Variants in AP1S2 observed in about 807,000 individuals in gnomAD.
AP1S2 encodes the protein AP-1 complex subunit sigma-2.
In AP1S2, 1 loss-of-function variant was observed where a neutral mutation model predicts 14.3. The observed-to-expected ratio is 0.07, with a 90% CI of 0.02 to 0.33. The LOEUF (loss-of-function observed/expected upper bound fraction) is 0.33, where lower values mean the gene tolerates loss of function less well. AP1S2 is among the 10% of genes least tolerant of loss of function. The pLI is 0.99. For missense variants in AP1S2, 30 were observed against 117.7 expected (o/e 0.25, Z 3.45); for synonymous variants, 30 against 40.5 (o/e 0.74, Z 0.99).
chrX:15,826,789 AAAG>A lies in AP1S2; in HGVS notation c.*533_*535del, dbSNP rs1309160739. On this transcript the variant is annotated 3_prime_UTR_variant, in exon 6 of 6. Transcript: ENST00000672987. ...CTGTAGTCCTTTAAAAAAAAAAAAA[AAAG>A]GTATGTAATTTCCAATACAAGTCTT... 3.6e-5 allele frequency: 4 copies of A among 110,652 alleles called. No homozygotes were observed. The highest frequency in any genetic ancestry group is 1.3e-4 in the African/African-American group (4 of 30,331). The allele number at this position is 110,652 out of a possible 1,213,427, so 9.1% of individuals were successfully genotyped here. A position where few individuals can be genotyped will look rare whatever the true frequency, so the allele number is the denominator to read the frequency against.
intron 1 of AP1S2, chrX:15,852,817 A>G: frequency 1.4e-6 from 1 of 734,156 alleles, no homozygotes; most frequent in Non-Finnish European, 1.6e-6. Flanking sequence ...AAAAATAAAG[A>G]TCACTCTTTC....
At position 15,826,056 on chromosome X, in the gene AP1S2, AAC is replaced by A. The variant is rs1254761929; in HGVS notation, c.*1267_*1268del. 1.8e-5 allele frequency: 2 copies of A among 112,122 alleles called. No homozygotes were observed. The highest frequency in any genetic ancestry group is 3.8e-5 in the Non-Finnish European group (2 of 53,173). The allele number at this position is 112,122 out of a possible 1,213,427, so 9.2% of individuals were successfully genotyped here. ...TGACAAACTTTTGGAAAGAGATAAA[AAC>A]ACACTCCAGTGTTTGTACGTTGAAC... On this transcript the variant is annotated 3_prime_UTR_variant, in exon 6 of 6. Transcript: ENST00000672987.
At chrX:15,847,639 T>C (rs1303514038) in intron 2 of AP1S2, among the ~76,000 whole-genome samples, 2 of 112,242 alleles carry the variant, frequency 1.8e-5, no homozygotes, top group African/African-American at 6.5e-5. Context: ...CTCCCTCTCT[T>C]TCCCATCGTT....
chrX:15,836,035 AT>A (rs1244171636), intron 4 of AP1S2, among the ~76,000 whole-genome samples: 9 of 111,412 alleles, frequency 8.1e-5, no homozygotes, highest in African/African-American at 2.9e-4. Flanking sequence ...ACAAAAAAAA[AT>A]CGATCTCATT....
chrX:15,835,219 T>C (rs1188795879), intron 4 of AP1S2, among the ~76,000 whole-genome samples: 4 of 112,476 alleles, frequency 3.6e-5, no homozygotes, highest in Non-Finnish European at 5.6e-5. Context: ...TAATGAAAAG[T>C]AAATATAAAT....
intron 4 of AP1S2, among the ~76,000 whole-genome samples, chrX:15,834,289 AT>A (rs1933527087): frequency 9.7e-6 from 1 of 102,925 alleles, no homozygotes; most frequent in African/African-American, 3.6e-5. Flanking sequence ...GGCCAAGAAA[AT>A]GACACTTCCT....
intron 4 of AP1S2, among the ~76,000 whole-genome samples, chrX:15,843,159 G>A (rs771614736): frequency 8.9e-6 from 1 of 111,943 alleles, no homozygotes; most frequent in Non-Finnish European, 1.9e-5. Flanking sequence ...CTGCAATAAT[G>A]TTCTTATCCC....
At chrX:15,827,545 G>A (rs1472174421) in intron 5 of AP1S2, among the ~76,000 whole-genome samples, 173 bp from the exon 6 acceptor site, 1 of 111,726 alleles carries the variant, frequency 9.0e-6, no homozygotes, top group Non-Finnish European at 1.9e-5. Flanking sequence ...CCTCAAAATT[G>A]GAGACCACAA....
chrX:15,828,219 A>C lies in AP1S2; in HGVS notation c.427-19T>G, dbSNP rs1188553321. 11 of 1,095,286 alleles carry C rather than the reference A, an allele frequency of 1.0e-5. No individual in the cohort carries two copies. The East Asian group carries it at 3.4e-4, about 34-fold the overall frequency. 90.3% of individuals were successfully genotyped at this position (1,095,286 alleles called of 1,213,427 possible). A position where few individuals can be genotyped will look rare whatever the true frequency, so the allele number is the denominator to read the frequency against. On this transcript the variant is annotated intron_variant, in intron 4 of 5. Transcript: ENST00000672987. ...TCGCATCCTAATCATGGTACAGCACAAAGCAAGGAGAAGAGAAATTATATT... is the reference window on the plus strand; with the variant it reads ...TCGCATCCTAATCATGGTACAGCACCAAGCAAGGAGAAGAGAAATTATATT...
intron 4 of AP1S2, among the ~76,000 whole-genome samples, chrX:15,839,948 C>A (rs942320794): frequency 9.0e-6 from 1 of 111,481 alleles, no homozygotes; most frequent in African/African-American, 3.3e-5. Flanking sequence ...AGATTCTTAC[C>A]TTTCCATTTG....
chrX:15,834,331 GAA>G (rs1160100860), intron 4 of AP1S2, among the ~76,000 whole-genome samples: 2 of 95,158 alleles, frequency 2.1e-5, no homozygotes, highest in Admixed American at 1.2e-4. Flanking sequence ...ATGAATTAAA[GAA>G]AAAAAAAGTC....
In AP1S2 at chrX:15,827,084, T is replaced by G. The variant is rs1355982884; in HGVS notation, c.*241A>C. 6 of 397,302 alleles carry G rather than the reference T, an allele frequency of 1.5e-5. No homozygotes were observed. Among genetic ancestry groups the G allele is most frequent in the Non-Finnish European group, 1.3e-5 (3 of 227,089 alleles). 32.7% of individuals were successfully genotyped at this position (397,302 alleles called of 1,213,427 possible). A position where few individuals can be genotyped will look rare whatever the true frequency, so the allele number is the denominator to read the frequency against. ...ATTAAGAGAAACTGACCTTTAAACTTTAAAATATCCAGAAAAGGTATCTCT... is the reference window on the plus strand; with the variant it reads ...ATTAAGAGAAACTGACCTTTAAACTGTAAAATATCCAGAAAAGGTATCTCT... On this transcript the variant is annotated 3_prime_UTR_variant, in exon 6 of 6. Coordinates refer to ENST00000672987, the MANE Select transcript of AP1S2 (RefSeq NM_001272071.2).
At chrX:15,840,327 A>T (rs2147311426) in intron 4 of AP1S2, among the ~76,000 whole-genome samples, 1 of 112,621 alleles carries the variant, frequency 8.9e-6, no homozygotes, top group South Asian at 3.6e-4. Context: ...TCAAAGCACT[A>T]ATCAACACCA....
chrX:15,832,954 G>A (rs1472865898), intron 4 of AP1S2: 7 of 1,118,435 alleles, frequency 6.3e-6, no homozygotes, highest in Non-Finnish European at 8.2e-6. Context: ...ACGTATTCTA[G>A]TACGCTTTCT....
chrX:15,836,036 T>C (rs1295028442), intron 4 of AP1S2, among the ~76,000 whole-genome samples: 1 of 111,252 alleles, frequency 9.0e-6, no homozygotes, highest in Non-Finnish European at 1.9e-5. Flanking sequence ...CAAAAAAAAA[T>C]CGATCTCATT....
At chrX:15,838,445 G>A (rs1057221545) in intron 4 of AP1S2, among the ~76,000 whole-genome samples, 2 of 109,524 alleles carry the variant, frequency 1.8e-5, no homozygotes, top group African/African-American at 6.7e-5. Flanking sequence ...AATGTCAGTA[G>A]GTGAAAAAAG....
At chrX:15,830,711 A>G (rs1933408807) in intron 4 of AP1S2, 2 of 634,025 alleles carry the variant, frequency 3.2e-6, no homozygotes, top group Non-Finnish European at 3.8e-6. Context: ...TTAGAATGCC[A>G]TCACTAGTAA....
At chrX:15,837,394 T>C (rs1254250433) in intron 4 of AP1S2, among the ~76,000 whole-genome samples, 1 of 111,113 alleles carries the variant, frequency 9.0e-6, no homozygotes, top group Non-Finnish European at 1.9e-5. Context: ...TTCAAAGGTG[T>C]TCTGTCTGCA....
chrX:15,838,551 G>A (rs781729328), intron 4 of AP1S2, among the ~76,000 whole-genome samples: 98 of 107,445 alleles, frequency 9.1e-4, no homozygotes, highest in African/African-American at 3.3e-3. Context: ...CCCTGTGCAG[G>A]TTCCAACCCT....
Sources: allele counts gnomAD v4.1 joint callset (sites outside exome capture counted in the v4.1 genomes callset), GRCh38; gene constraint gnomAD v4.1.1; transcripts MANE v1.5; gene names NCBI Gene and HGNC (gene_info 2026-07-23, HGNC 2026-07-21).